SCN3A: variants seen among roughly 807,000 people sequenced by gnomAD.
The protein encoded by SCN3A is sodium channel protein type 3 subunit alpha.
Under a neutral mutation model 187.6 loss-of-function variants are expected in SCN3A, and 60 were observed. The observed-to-expected ratio is 0.32, with a 90% confidence interval of 0.26 to 0.40. The LOEUF (loss-of-function observed/expected upper bound fraction) is 0.40. Among genes scored for constraint, SCN3A ranks in the 10% least tolerant of loss-of-function variants. SCN3A has a pLI of 1.00. For missense variants in SCN3A, 1,601 were observed against 2,428.2 expected (o/e 0.66, Z 7.16); for synonymous variants, 788 against 829.2 (o/e 0.95, Z 0.85).
At chr2:165,141,100 G>T in intron 12 of SCN3A, 102 bp from the exon 13 acceptor site, 1 of 729,650 alleles carries the variant, frequency 1.4e-6, no homozygotes, top group Non-Finnish European at 2.2e-6. Flanking sequence ...TTTGGAGTTA[G>T]TATACTCTTG....
Position 165,170,438 on chromosome 2 carries a change from CA to C in SCN3A, c.374del (p.Leu125TrpfsTer15). The C allele has an allele frequency of 6.3e-7, 1 of 1,587,846 alleles. No individual in the cohort carries two copies. Among genetic ancestry groups the C allele is most frequent in the Non-Finnish European group, 8.6e-7 (1 of 1,157,152 alleles). ...NPVRKIAIKI[L>X]VHSLFSMLIM... The stretch of plus-strand genomic sequence containing the variant: ...TCACATTAAAAGGATATGAATGTAC[CA>C]AAATCTTGATAGCAATTTTCCTAAC... On this transcript the variant is annotated frameshift_variant, in exon 4 of 28. Transcript: ENST00000283254. LOFTEE classifies it high-confidence loss of function.
chr2:165,161,232 T>A (rs1225860680), intron 9 of SCN3A, among the ~76,000 whole-genome samples: 1 of 148,668 alleles, frequency 6.7e-6, no homozygotes. Flanking sequence ...CAATTGTCCA[T>A]GTGATAGTTC....
Position 165,092,580 on chromosome 2 carries a change from G to A in SCN3A, c.4537-56C>T. 6.5e-7 allele frequency: 1 copy of A among 1,529,786 alleles called. No homozygotes were observed. The highest frequency in any genetic ancestry group is 1.7e-5 in the Admixed American group (1 of 59,560). The allele number at this position is 1,529,786 out of a possible 1,614,324, so 94.8% of individuals were successfully genotyped here. ...CTATATATATTTCATAAAGAATAAT[G>A]CAGTAAAATTGTAGATAAAGCCCTT... On this transcript the variant is annotated intron_variant, in intron 26 of 27. Transcript: ENST00000283254. This position sits in a 1 kb window ranked among gnomAD's most constrained non-coding sequence, Gnocchi z 4.2.
At chr2:165,129,298 A>G (rs1380390508) in intron 17 of SCN3A, among the ~76,000 whole-genome samples, 1 of 152,238 alleles carries the variant, frequency 6.6e-6, no homozygotes. Context: ...GTTAAAAGTA[A>G]CTCCTTTGAG....
intron 15 of SCN3A, among the ~76,000 whole-genome samples, chr2:165,134,788 C>G (rs1194106978): frequency 3.3e-5 from 5 of 151,746 alleles, no homozygotes; most frequent in Non-Finnish European, 7.4e-5. Flanking sequence ...GAAATAGGCA[C>G]TCTGATGATA....
rs1553518162 is a variant in SCN3A at position 165,096,472 on chromosome 2, G to A, written c.4288C>T (p.Arg1430Ter). Reference sequence around the variant, plus strand: ...AATATTTGAGTGATACTTACATCTCGTGAATCAACAGCTGCATACATAATA... The same window carrying A: ...AATATTTGAGTGATACTTACATCTCATGAATCAACAGCTGCATACATAATA... ...MDIMYAAVDS[R>*]DVKLQPVYEE... is the part of the protein sequence containing the mutation. The change falls in exon 24 of 28, where the codon CGA becomes TGA. Residue 1430 changes from arginine (R) to a stop codon, truncating the protein, a stop_gained. Coordinates refer to ENST00000283254, the MANE Select transcript of SCN3A (RefSeq NM_006922.4). LOFTEE classifies it high-confidence loss of function. 4 of 1,609,034 alleles carry A rather than the reference G, an allele frequency of 2.5e-6. No homozygotes were observed. The highest frequency in any genetic ancestry group is 2.6e-6 in the Non-Finnish European group (3 of 1,175,786).
chr2:165,169,472 G>C (rs549759820), intron 4 of SCN3A, among the ~76,000 whole-genome samples: 2 of 152,026 alleles, frequency 1.3e-5, no homozygotes, highest in Admixed American at 1.3e-4. Flanking sequence ...TACCTAAACA[G>C]ATAGCACTAT....
At chr2:165,160,495 A>T (rs1369467342) in intron 9 of SCN3A, among the ~76,000 whole-genome samples, 2 of 152,200 alleles carry the variant, frequency 1.3e-5, no homozygotes, top group Non-Finnish European at 2.9e-5. Flanking sequence ...ATAGATTATT[A>T]TGGTTTAATA....
rs935243127 is a variant in SCN3A, at chr2:165,100,546, A to T, written c.3844-122T>A. 6.6e-5 allele frequency: 62 copies of T among 932,468 alleles called. No homozygotes were observed. In the African/African-American group the frequency reaches 9.4e-4, roughly 14 times the overall value. 57.8% of individuals were successfully genotyped at this position (932,468 alleles called of 1,614,324 possible). A position where few individuals can be genotyped will look rare whatever the true frequency, so the allele number is the denominator to read the frequency against. On this transcript the variant is annotated intron_variant, in intron 21 of 27. Coordinates refer to ENST00000283254, the MANE Select transcript of SCN3A (RefSeq NM_006922.4). ...ATTTGGACATACCTTGGCAACTTTC[A>T]TCTTCCACATAGTGGGGTCATCTTA...
In SCN3A at chr2:165,092,059, C is replaced by G; in HGVS notation, c.4807+195G>C. On this transcript the variant is annotated intron_variant, in intron 27 of 27. Transcript: ENST00000283254. The surrounding 1 kb of genome is among the most constrained non-coding windows in gnomAD (Gnocchi z 4.2). ...TCACCTCTTTCCCAAATCTGGTATTCCTAACATGGTTTCTAACTAGTTAGC... is the reference window on the plus strand; with the variant it reads ...TCACCTCTTTCCCAAATCTGGTATTGCTAACATGGTTTCTAACTAGTTAGC... The G allele has an allele frequency of 1.6e-6, 1 of 623,590 alleles. No individual in the cohort carries two copies. The highest frequency in any genetic ancestry group is 2.8e-6 in the Non-Finnish European group (1 of 354,012). 38.6% of individuals were successfully genotyped at this position (623,590 alleles called of 1,614,324 possible). A position where few individuals can be genotyped will look rare whatever the true frequency, so the allele number is the denominator to read the frequency against.
chr2:165,112,730 A>G (rs1205906107), intron 21 of SCN3A, among the ~76,000 whole-genome samples, 155 bp downstream of exon 21: 1 of 152,144 alleles, frequency 6.6e-6, no homozygotes, highest in Non-Finnish European at 1.5e-5. Context: ...ACTCTTTCCC[A>G]TGAGATATTC....
chr2:165,113,160 T>C (rs1379291439), intron 20 of SCN3A, 102 bp from the exon 21 acceptor site: 4 of 854,884 alleles, frequency 4.7e-6, no homozygotes, highest in Admixed American at 4.4e-5. Context: ...ATAATTTGAT[T>C]ATTGATATTT....
intron 1 of SCN3A, 97 bp downstream of exon 1, chr2:165,203,726 G>A (rs887350457): frequency 6.6e-6 from 1 of 151,662 alleles, no homozygotes; most frequent in Non-Finnish European, 1.5e-5. Flanking sequence ...AACAACACTG[G>A]GTTAAAAATA....
At position 165,095,661 on chromosome 2, in the gene SCN3A, G is replaced by T; in HGVS notation, c.4294-13C>A. 1 of 1,270,042 alleles carries T rather than the reference G, an allele frequency of 7.9e-7. No individual in the cohort carries two copies. The highest frequency in any genetic ancestry group is 1.2e-5 in the South Asian group (1 of 80,356). 78.7% of individuals were successfully genotyped at this position (1,270,042 alleles called of 1,614,324 possible). ...GCTGAAGTTTAACCTAAATGATATT[G>T]AAAATATTAAATAATATGAAAAATA... On this transcript the variant is annotated splice_polypyrimidine_tract_variant and intron_variant, in intron 24 of 27. Coordinates refer to ENST00000283254, the MANE Select transcript of SCN3A (RefSeq NM_006922.4).
chr2:165,199,907 A>G (rs572277897), intron 1 of SCN3A, among the ~76,000 whole-genome samples: 1 of 152,214 alleles, frequency 6.6e-6, no homozygotes, highest in African/African-American at 2.4e-5. Flanking sequence ...AGAGGGAAAA[A>G]TATTTTCAGG....
At chr2:165,120,493 T>A (rs1323447096) in intron 18 of SCN3A, among the ~76,000 whole-genome samples, 1 of 151,828 alleles carries the variant, frequency 6.6e-6, no homozygotes, top group East Asian at 1.9e-4. Flanking sequence ...ACATTTCATT[T>A]ATTTTCAATC....
chr2:165,138,478 AGTACCTT>A (rs1481345348), intron 14 of SCN3A, among the ~76,000 whole-genome samples: 1 of 152,192 alleles, frequency 6.6e-6, no homozygotes, highest in Non-Finnish European at 1.5e-5. Context: ...TTCTTCTGAA[AGTACCTT>A]TTTAAAAACA....
At chr2:165,131,493 T>C in intron 15 of SCN3A, 76 bp from the exon 16 acceptor site, 1 of 974,888 alleles carries the variant, frequency 1.0e-6, no homozygotes, top group Non-Finnish European at 1.5e-6. Context: ...AAGAAGAACA[T>C]TAACAGGAAT....
chr2:165,140,998 A>T lies in SCN3A; in HGVS notation c.1672T>A (p.Ser558Thr). 6.2e-7 allele frequency: 1 copy of T among 1,611,668 alleles called. No homozygotes were observed. Residue 558 changes from serine to threonine, a missense_variant and splice_region_variant, in exon 13 of 28, where the codon TCT becomes ACT. Coordinates refer to ENST00000283254, the MANE Select transcript of SCN3A (RefSeq NM_006922.4). This position sits in a 1 kb window ranked among gnomAD's most constrained non-coding sequence, Gnocchi z 4.2. ...SDKKFCSPHQ[S>T]LLSIRGSLFS... ...AGGGAGCCACGGATACTCAAGAGAGACTGCAGAGAAAGCAAAAAGGAAAGG... is the reference window on the plus strand; with the variant it reads ...AGGGAGCCACGGATACTCAAGAGAGTCTGCAGAGAAAGCAAAAAGGAAAGG...
Sources: gnomAD v4.1 joint callset for allele counts (sites outside exome capture counted in the v4.1 genomes callset) on GRCh38, gnomAD v4.1.1 for gene constraint, Gnocchi (gnomAD v3.1) non-coding constraint, MANE v1.5 for transcripts, NCBI Gene and HGNC (gene_info 2026-07-23, HGNC 2026-07-21) for gene names.